Variants in VAV3 observed in about 807,000 individuals in gnomAD.
The protein encoded by VAV3 is guanine nucleotide exchange factor VAV3.
Under a neutral mutation model 131.2 loss-of-function variants are expected in VAV3, and 94 were observed. The observed-to-expected ratio is 0.72, with a 90% confidence interval of 0.61 to 0.85. The LOEUF (loss-of-function observed/expected upper bound fraction) is 0.85, where lower values mean the gene tolerates loss of function less well. Among genes scored for constraint, VAV3 ranks in the 40% least tolerant of loss-of-function variants. The pLI, the probability that VAV3 is intolerant of heterozygous loss-of-function variation, is 0.00. For missense variants in VAV3, 939 were observed against 1,002.7 expected (o/e 0.94, Z 0.86); for synonymous variants, 349 against 342.0 (o/e 1.02, Z -0.22).
At chr1:107,595,629 G>A (rs911252759) in intron 25 of VAV3, among the ~76,000 whole-genome samples, 3 of 152,114 alleles carry the variant, frequency 2.0e-5, no homozygotes, top group African/African-American at 7.2e-5. Flanking sequence ...TTTCGACTTA[G>A]ACTCACAGTC....
At chr1:107,610,657 A>G (rs1652658409) in intron 21 of VAV3, among the ~76,000 whole-genome samples, 1 of 152,190 alleles carries the variant, frequency 6.6e-6, no homozygotes, top group African/African-American at 2.4e-5. Context: ...TCGCACAAGG[A>G]AAAATATTGC....
chr1:107,941,155 G>A (rs1000423160), intron 1 of VAV3, among the ~76,000 whole-genome samples: 4 of 152,118 alleles, frequency 2.6e-5, no homozygotes, highest in African/African-American at 4.8e-5. Flanking sequence ...GAAATTTGCA[G>A]TGGTGGCAAC....
At chr1:107,697,951 TATC>T (rs1356249614) in intron 17 of VAV3, among the ~76,000 whole-genome samples, 2 of 152,224 alleles carry the variant, frequency 1.3e-5, no homozygotes, top group African/African-American at 2.4e-5. Context: ...ACATCTGACA[TATC>T]ATCATCACAG....
At chr1:107,688,753 T>C (rs1659208991) in intron 17 of VAV3, among the ~76,000 whole-genome samples, 1 of 152,216 alleles carries the variant, frequency 6.6e-6, no homozygotes, top group Non-Finnish European at 1.5e-5. Context: ...ATGCAACCTT[T>C]CTTTCAACAT....
At chr1:107,718,744 A>C (rs1255425525) in intron 15 of VAV3, among the ~76,000 whole-genome samples, 1 of 152,160 alleles carries the variant, frequency 6.6e-6, no homozygotes, top group Non-Finnish European at 1.5e-5. Context: ...AGCCTGCATT[A>C]CCAAGACAAT....
At chr1:107,838,823 T>C (rs1668578168) in intron 2 of VAV3, among the ~76,000 whole-genome samples, 1 of 152,154 alleles carries the variant, frequency 6.6e-6, no homozygotes, top group African/African-American at 2.4e-5. Flanking sequence ...TGGAGCGTAT[T>C]AGCCTAGGTG....
intron 15 of VAV3, among the ~76,000 whole-genome samples, chr1:107,713,354 C>T (rs1400508936): frequency 6.6e-6 from 1 of 151,722 alleles, no homozygotes; most frequent in African/African-American, 2.4e-5. Flanking sequence ...CAAACCCAAA[C>T]TTTTATTTAA....
intron 22 of VAV3, among the ~76,000 whole-genome samples, chr1:107,606,030 T>C (rs749592382): frequency 6.6e-6 from 1 of 152,222 alleles, no homozygotes; most frequent in Non-Finnish European, 1.5e-5. Context: ...TGAATTACTG[T>C]AGTCCTGGGA....
chr1:107,615,367 T>A (rs1226875958), intron 21 of VAV3, among the ~76,000 whole-genome samples: 2 of 152,090 alleles, frequency 1.3e-5, no homozygotes, highest in Non-Finnish European at 2.9e-5. Flanking sequence ...GCTAAACATT[T>A]GATAAATGAT....
At chr1:107,669,472 T>A (rs1431189543) in intron 19 of VAV3, 1 of 1,286,016 alleles carries the variant, frequency 7.8e-7, no homozygotes, top group Non-Finnish European at 1.0e-6. Context: ...ACAGGGCACA[T>A]CTAATAAAGA....
intron 2 of VAV3, among the ~76,000 whole-genome samples, chr1:107,854,910 G>A (rs898769673): frequency 6.6e-6 from 1 of 152,196 alleles, no homozygotes; most frequent in African/African-American, 2.4e-5. Flanking sequence ...CCACAATGGT[G>A]TTCCTGCTTA....
At chr1:107,919,173 T>A (rs1251200990) in intron 1 of VAV3, among the ~76,000 whole-genome samples, 3 of 152,232 alleles carry the variant, frequency 2.0e-5, no homozygotes, top group African/African-American at 7.2e-5. Context: ...TACCTTTAGA[T>A]GACAATATAT....
rs1383667099 is a variant in VAV3, at chr1:107,572,837, C to T, written c.*494G>A. The T allele has an allele frequency of 6.5e-6, 1 of 153,660 alleles. No individual in the cohort carries two copies. Among genetic ancestry groups the T allele is most frequent in the Non-Finnish European group, 1.5e-5 (1 of 68,958 alleles). 9.5% of individuals were successfully genotyped at this position (153,660 alleles called of 1,614,324 possible). A position where few individuals can be genotyped will look rare whatever the true frequency, so the allele number is the denominator to read the frequency against. On this transcript the variant is annotated 3_prime_UTR_variant, in exon 27 of 27. Transcript: ENST00000370056. ...GTTGGACAATTTAAGACAAGTAAGGCTGGATCTTTCCAGTAAGCTGCTCAA... is the reference window on the plus strand; with the variant it reads ...GTTGGACAATTTAAGACAAGTAAGGTTGGATCTTTCCAGTAAGCTGCTCAA...
intron 15 of VAV3, among the ~76,000 whole-genome samples, chr1:107,728,649 G>GTATATGTATATGTATATGTATATGTA (rs1465394629): frequency 1.8e-4 from 27 of 148,294 alleles, no homozygotes; most frequent in Non-Finnish European, 3.6e-4. Flanking sequence ...ATATGTATAT[G>GTATATGTATATGTATATGTATATGTA]TATTGTGTAA....
intron 24 of VAV3, among the ~76,000 whole-genome samples, 185 bp downstream of exon 24, chr1:107,602,212 G>A (rs1033247344): frequency 1.1e-4 from 17 of 152,010 alleles, no homozygotes; most frequent in African/African-American, 2.7e-4. Flanking sequence ...ATTACGATTC[G>A]AGCAATATAA....
intron 1 of VAV3, among the ~76,000 whole-genome samples, chr1:107,952,468 T>TTTATATATATATATATACATA (rs1553235441): frequency 1.7e-5 from 2 of 119,004 alleles, no homozygotes; most frequent in South Asian, 2.7e-4. Flanking sequence ...TAACAAAACT[T>TTTATATATATATATATACATA]TATATATATA....
intron 24 of VAV3, among the ~76,000 whole-genome samples, chr1:107,597,300 T>C (rs1479941003): frequency 6.6e-6 from 1 of 151,314 alleles, no homozygotes; most frequent in African/African-American, 2.4e-5. Context: ...AATATCTCTG[T>C]TCAGTGGTTA....
intron 4 of VAV3, among the ~76,000 whole-genome samples, chr1:107,776,411 G>C (rs1665359613): frequency 6.6e-6 from 1 of 152,192 alleles, no homozygotes; most frequent in Non-Finnish European, 1.5e-5. Context: ...ATGTAAGGGG[G>C]TGGTGGCAAT....
intron 1 of VAV3, among the ~76,000 whole-genome samples, chr1:107,886,955 T>G (rs1671064962): frequency 6.9e-6 from 1 of 145,978 alleles, no homozygotes; most frequent in South Asian, 2.1e-4. Flanking sequence ...CATTAACAAA[T>G]GTTCTACCAA....
Sources: allele counts gnomAD v4.1 joint callset (sites outside exome capture counted in the v4.1 genomes callset), GRCh38; gene constraint gnomAD v4.1.1; transcripts MANE v1.5; gene names NCBI Gene and HGNC (gene_info 2026-07-23, HGNC 2026-07-21).